WRN: variants seen among roughly 807,000 people sequenced by gnomAD.
WRN encodes WRN RecQ like helicase.
A neutral mutation model predicts 180.7 loss-of-function variants in WRN; 149 were observed. The ratio of observed to expected loss-of-function variants is 0.82; its 90% CI spans 0.72 to 0.94. WRN has a LOEUF of 0.94. Ranked by LOEUF, WRN falls within the 40% of genes least tolerant of loss-of-function variation. WRN has a pLI of 0.00. For missense variants in WRN, 1,661 were observed against 1,700.1 expected (o/e 0.98, Z 0.40); for synonymous variants, 548 against 568.9 (o/e 0.96, Z 0.52).
rs763511810 is a variant in WRN, at chr8:31,081,300, C to G, written c.1269+4C>G. The G allele has an allele frequency of 1.9e-5, 30 of 1,612,896 alleles. No individual in the cohort carries two copies. In the South Asian group the frequency reaches 3.3e-4, roughly 18 times the overall value. On this transcript the variant is annotated splice_donor_region_variant and intron_variant, in intron 9 of 34. Transcript: ENST00000298139. Reference sequence around the variant, plus strand: ...TATTGCTTATAAATCTACTGAGGTACTAAATAAAGAGGAAGCACATTTTTA... The same window carrying G: ...TATTGCTTATAAATCTACTGAGGTAGTAAATAAAGAGGAAGCACATTTTTA...
chr8:31,091,996 G>A, intron 16 of WRN, 98 bp downstream of exon 16: 1 of 1,118,880 alleles, frequency 8.9e-7, no homozygotes, highest in Non-Finnish European at 1.3e-6. Flanking sequence ...AGGAAGTTGT[G>A]AGTAATTTAT....
At chr8:31,148,994 TA>T (rs780708326) in intron 30 of WRN, among the ~76,000 whole-genome samples, 4 of 152,200 alleles carry the variant, frequency 2.6e-5, no homozygotes, top group Non-Finnish European at 4.4e-5. Context: ...TACTTCCTTT[TA>T]AAAAATTGTT....
rs145959045 is a variant in WRN, at chr8:31,059,200, A to G, written c.144A>G (p.Glu48=). Residue 48 remains glutamate (E), a synonymous_variant, in exon 3 of 35, where the codon GAA becomes GAG. Coordinates refer to ENST00000298139, the MANE Select transcript of WRN (RefSeq NM_000553.6). ...SVFEDDLPFL[E]FTGSIVYSYD... is the part of the protein sequence containing the mutation. ...TTGAAGATGACCTCCCCTTCTTAGA[A>G]TTCACTGGATCCATTGTGTATAGTT... is the stretch of plus-strand genomic sequence containing the variant. The G allele has an allele frequency of 2.4e-4, 390 of 1,613,852 alleles. 3 individuals are homozygous for G. The African/African-American group carries it at 4.5e-3, about 19-fold the overall frequency.
intron 1 of WRN, among the ~76,000 whole-genome samples, chr8:31,038,596 AC>A (rs1258466364): frequency 1.3e-5 from 2 of 151,824 alleles, no homozygotes; most frequent in African/African-American, 4.8e-5. Flanking sequence ...TTCTTTTATT[AC>A]CTATGCTTTT....
At chr8:31,092,860 G>A (rs1213805734) in intron 16 of WRN, among the ~76,000 whole-genome samples, 2 of 152,082 alleles carry the variant, frequency 1.3e-5, no homozygotes, top group African/African-American at 4.8e-5. Flanking sequence ...TAACTCTTTT[G>A]TGTAAGACTT....
chr8:31,136,113 C>T (rs557355694), intron 24 of WRN, among the ~76,000 whole-genome samples: 2,774 of 152,298 alleles, frequency 0.018, 151 homozygotes, highest in Admixed American at 0.12. Context: ...GATCCTACTT[C>T]CTTGGCTTCC....
intron 28 of WRN, among the ~76,000 whole-genome samples, chr8:31,146,634 A>G (rs552273920): frequency 3.3e-5 from 5 of 152,278 alleles, no homozygotes; most frequent in East Asian, 1.9e-4. Context: ...CCAAAAATCT[A>G]TGATGTTATA....
At chr8:31,064,244 T>A (rs1812606834) in intron 3 of WRN, 45 bp from the exon 4 acceptor site, 1 of 1,610,356 alleles carries the variant, frequency 6.2e-7, no homozygotes, top group African/African-American at 1.3e-5. Flanking sequence ...TGCAGAAGTT[T>A]AAAATTTTAA....
At chr8:31,107,069 CAT>C (rs1801125113) in intron 18 of WRN, among the ~76,000 whole-genome samples, 1 of 152,142 alleles carries the variant, frequency 6.6e-6, no homozygotes, top group African/African-American at 2.4e-5. Context: ...TCAGGTAGCT[CAT>C]AGTTCAGTAA....
chr8:31,125,971 A>AATATATAT (rs55952524), intron 23 of WRN, among the ~76,000 whole-genome samples: 80 of 145,658 alleles, frequency 5.5e-4, no homozygotes, highest in South Asian at 6.5e-4. Flanking sequence ...CATCATCCTA[A>AATATATAT]ATATATATAT....
Position 31,074,002 on chromosome 8 carries a change from C to T in WRN, c.725-2171C>T, listed in dbSNP as rs559366673. Reference sequence around the variant, plus strand: ...CGCGATCTCTGCTCACTGCAAGCTCCGCCTCCCAGGTTCACACTATTCTCC... The same window carrying T: ...CGCGATCTCTGCTCACTGCAAGCTCTGCCTCCCAGGTTCACACTATTCTCC... On this transcript the variant is annotated intron_variant, in intron 7 of 34. Coordinates refer to ENST00000298139, the MANE Select transcript of WRN (RefSeq NM_000553.6). Among the ~76,000 whole-genome samples the T allele has an allele frequency of 3.3e-5, 5 of 151,842 alleles. No homozygotes were observed. The East Asian group carries it at 7.7e-4, about 23-fold the overall frequency.
rs1804254976 is a variant in WRN at position 31,175,695 on chromosome 8, T to A, written c.*2593T>A. The stretch of plus-strand genomic sequence containing the variant: ...ACTACGTGCCTGTGCAAAGTCAGAT[T>A]TTTTTCATATACTTCAGCCAAAACA... On this transcript the variant is annotated 3_prime_UTR_variant, in exon 35 of 35. Coordinates refer to ENST00000298139, the MANE Select transcript of WRN (RefSeq NM_000553.6). 6.6e-6 allele frequency among the ~76,000 whole-genome samples: 1 copy of A among 152,194 alleles called. No homozygotes were observed. The highest frequency in any genetic ancestry group is 1.5e-5 in the Non-Finnish European group (1 of 68,046).
intron 7 of WRN, among the ~76,000 whole-genome samples, chr8:31,069,286 T>G (rs1181885432): frequency 6.6e-6 from 1 of 152,226 alleles, no homozygotes; most frequent in Non-Finnish European, 1.5e-5. Context: ...AGGCCCTCCT[T>G]TATATGTTAA....
In WRN at chr8:31,120,249, A is replaced by G. The variant is rs1318783357; in HGVS notation, c.2455A>G (p.Ile819Val). The G allele has an allele frequency of 1.2e-6, 2 of 1,612,624 alleles. No homozygotes were observed. Among genetic ancestry groups the G allele is most frequent in the East Asian group, 2.2e-5 (1 of 44,842 alleles). The part of the protein sequence containing the change: ...RFVRDEIQCV[I>V]ATIAFGMGIN... ...TGTTGTGATTTGTTCTCAGTGTGTCATAGCTACCATAGCTTTTGGAATGGG... is the reference window on the plus strand; with the variant it reads ...TGTTGTGATTTGTTCTCAGTGTGTCGTAGCTACCATAGCTTTTGGAATGGG... The change falls in exon 21 of 35, where the codon ATA (isoleucine) becomes GTA (valine). Residue 819 changes from isoleucine (I) to valine (V), a missense_variant. Ile to Val is a conservative substitution (Grantham distance 29). This residue lies in a region of WRN where 1,141 missense variants were observed against 1,149.4 expected (regional missense o/e 0.99). Transcript: ENST00000298139.
chr8:31,096,007 G>T (rs1052981630), intron 16 of WRN, among the ~76,000 whole-genome samples: 1 of 152,158 alleles, frequency 6.6e-6, no homozygotes, highest in Non-Finnish European at 1.5e-5. Context: ...AAGAAACTAG[G>T]CATACTAAAG....
chr8:31,053,511 A>G (rs13269965), intron 1 of WRN, among the ~76,000 whole-genome samples: 1 of 152,232 alleles, frequency 6.6e-6, no homozygotes, highest in African/African-American at 2.4e-5. Flanking sequence ...TTATGTGGAC[A>G]GTCCAAAGGA....
rs1804228870 is a variant in WRN at position 31,174,845 on chromosome 8, C to CTCCT, written c.*1746_*1747insTTCC. 5.3e-5 allele frequency among the ~76,000 whole-genome samples: 7 copies of CTCCT among 131,880 alleles called. No individual in the cohort carries two copies. Among genetic ancestry groups the CTCCT allele is most frequent in the African/African-American group, 2.0e-4 (7 of 35,094 alleles). The allele number at this position is 131,880 out of a possible 152,430, so 86.5% of individuals were successfully genotyped here. ...CCTCCCTCCCTCCCTCCCTCCCTCC[C>CTCCT]TCCCTCCTTTCTTTTTCTTTCTCTT... On this transcript the variant is annotated 3_prime_UTR_variant, in exon 35 of 35. Transcript: ENST00000298139.
chr8:31,088,888 A>C lies in WRN; in HGVS notation c.1577-2A>C. 5 of 1,608,660 alleles carry C rather than the reference A, an allele frequency of 3.1e-6. No homozygotes were observed. The highest frequency in any genetic ancestry group is 4.2e-6 in the Non-Finnish European group (5 of 1,177,050). On this transcript the variant is annotated splice_acceptor_variant, in intron 12 of 34. Coordinates refer to ENST00000298139, the MANE Select transcript of WRN (RefSeq NM_000553.6). LOFTEE classifies it high-confidence loss of function. The stretch of plus-strand genomic sequence containing the variant: ...TAAATGCACATTTTATTTTATTTCC[A>C]GACTTTTTGTGGCCAGCACCCAATG...
At chr8:31,107,836 T>G (rs186524299) in intron 18 of WRN, among the ~76,000 whole-genome samples, 213 of 152,344 alleles carry the variant, frequency 1.4e-3, no homozygotes, top group South Asian at 2.9e-3. Flanking sequence ...CTTAAAGTTC[T>G]TTACATTTCA....
Sources: gnomAD v4.1 joint callset for allele counts (sites outside exome capture counted in the v4.1 genomes callset) on GRCh38, gnomAD v4.1.1 for gene constraint, gnomAD v4.1.1 regional missense constraint, MANE v1.5 for transcripts, NCBI Gene and HGNC (gene_info 2026-07-23, HGNC 2026-07-21) for gene names.